Variants in ANKRD55 observed in about 807,000 individuals in gnomAD.
The protein encoded by ANKRD55 is ankyrin repeat domain 55, also known as ankyrin repeat domain-containing protein 55.
Under a neutral mutation model 60.6 loss-of-function variants are expected in ANKRD55, and 41 were observed. That is an observed-to-expected ratio of 0.68 (90% CI 0.53 to 0.88). ANKRD55 has a LOEUF of 0.88. Among genes scored for constraint, ANKRD55 ranks in the 40% least tolerant of loss-of-function variants. ANKRD55 has a pLI of 0.00. For missense variants in ANKRD55, 732 were observed against 767.6 expected, an observed-to-expected ratio of 0.95 and a Z score of 0.55; for synonymous variants, 264 against 290.3, an observed-to-expected ratio of 0.91 and a Z score of 0.92.
At chr5:56,166,132 T>TTCTA (rs1758459479) in intron 5 of ANKRD55, among the ~76,000 whole-genome samples, 1 of 101,076 alleles carries the variant, frequency 9.9e-6, no homozygotes, top group Non-Finnish European at 1.9e-5. Context: ...CTTTCTTTCT[T>TTCTA]TCTTTCTTTC....
chr5:56,149,658 A>C (rs138154975), intron 6 of ANKRD55, among the ~76,000 whole-genome samples: 1 of 152,192 alleles, frequency 6.6e-6, no homozygotes, highest in Non-Finnish European at 1.5e-5. Flanking sequence ...TTAAAATAAA[A>C]CAATCTTCCT....
At chr5:56,201,181 G>A (rs1759361921) in intron 2 of ANKRD55, among the ~76,000 whole-genome samples, 1 of 152,168 alleles carries the variant, frequency 6.6e-6, no homozygotes, top group African/African-American at 2.4e-5. Flanking sequence ...TATCCTGAAT[G>A]CTTTGAAGAA....
chr5:56,127,199 G>T, intron 7 of ANKRD55, 93 bp from the exon 8 acceptor site: 1 of 1,302,472 alleles, frequency 7.7e-7, no homozygotes, highest in Non-Finnish European at 9.8e-7. Context: ...GGAAAAAAAG[G>T]AAAGAAAGAA....
At chr5:56,217,523 A>G (rs1759842455) in intron 2 of ANKRD55, among the ~76,000 whole-genome samples, 1 of 151,990 alleles carries the variant, frequency 6.6e-6, no homozygotes, top group South Asian at 2.1e-4. Context: ...TAAATTGAAA[A>G]CCTTTGCTCT....
chr5:56,128,448 C>T (rs1757332133), intron 7 of ANKRD55, among the ~76,000 whole-genome samples: 1 of 152,174 alleles, frequency 6.6e-6, no homozygotes, highest in Non-Finnish European at 1.5e-5. Flanking sequence ...GGCAGCAGGT[C>T]TCTTGGTAGC....
intron 2 of ANKRD55, among the ~76,000 whole-genome samples, chr5:56,198,195 A>G (rs1464402716): frequency 6.6e-6 from 1 of 152,194 alleles, no homozygotes; most frequent in East Asian, 1.9e-4. Flanking sequence ...ATGAGATTGA[A>G]AGTAAAAGTC....
chr5:56,111,939 G>T (rs937146626), intron 9 of ANKRD55, among the ~76,000 whole-genome samples, 157 bp from the exon 10 acceptor site: 5 of 152,154 alleles, frequency 3.3e-5, no homozygotes, highest in Non-Finnish European at 5.9e-5. Flanking sequence ...GCAGTGTGAA[G>T]AACTCACAGT....
chr5:56,113,623 AATTTCTGCAAAATAAATAAAGTG>A (rs1561252620), intron 9 of ANKRD55, among the ~76,000 whole-genome samples: 1 of 152,162 alleles, frequency 6.6e-6, no homozygotes, highest in East Asian at 1.9e-4. Flanking sequence ...TATTTGCAGA[AATTTCTGCAAAATAAATAAAGTG>A]AAATACACAG....
chr5:56,173,578 C>CTA lies in ANKRD55; in HGVS notation c.312+2573_312+2574insTA, dbSNP rs1211689978. Among the ~76,000 whole-genome samples the CTA allele has an allele frequency of 9.1e-3, 648 of 71,544 alleles. 1 individual carries two copies. Among genetic ancestry groups the CTA allele is most frequent in the Non-Finnish European group, 0.01 (413 of 39,364 alleles). 46.9% of individuals were successfully genotyped at this position (71,544 alleles called of 152,430 possible). ...TCTCTCTCTCTCTCTCTCTCTCTCT[C>CTA]TCTCTATATATATATATATATATAT... On this transcript the variant is annotated intron_variant, in intron 4 of 11. Transcript: ENST00000341048.
rs36002081 is a variant in ANKRD55, at chr5:56,226,518, C to CA, written c.58+6337dup. Among the ~76,000 whole-genome samples the CA allele has an allele frequency of 7.4e-4, 110 of 149,658 alleles. No individual in the cohort carries two copies. The South Asian group carries it at 9.0e-3, about 12-fold the overall frequency. On this transcript the variant is annotated intron_variant, in intron 2 of 11. Coordinates refer to ENST00000341048, the MANE Select transcript of ANKRD55 (RefSeq NM_024669.3). ...AAACTAGAGAGCTTCTTCTGCACAG[C>CA]AAAAAAAAAACTACCATCAGAGTGA...
intron 2 of ANKRD55, among the ~76,000 whole-genome samples, chr5:56,209,380 T>C (rs1759600915): frequency 6.6e-6 from 1 of 152,344 alleles, no homozygotes; most frequent in East Asian, 1.9e-4. Flanking sequence ...TATTTTCTCA[T>C]TACTGGGCAT....
chr5:56,110,968 T>C (rs1756671791), intron 10 of ANKRD55, 150 bp downstream of exon 10: 7 of 857,514 alleles, frequency 8.2e-6, no homozygotes, highest in South Asian at 3.5e-5. Flanking sequence ...TCAAATCCAG[T>C]GCACTTTGGG....
intron 9 of ANKRD55, among the ~76,000 whole-genome samples, chr5:56,114,613 G>T (rs933777542): frequency 6.6e-6 from 1 of 152,148 alleles, no homozygotes; most frequent in Non-Finnish European, 1.5e-5. Flanking sequence ...TTTTCCAAAT[G>T]ACCAATGCAA....
At chr5:56,153,734 G>A (rs558533489) in intron 6 of ANKRD55, among the ~76,000 whole-genome samples, 46 of 152,002 alleles carry the variant, frequency 3.0e-4, no homozygotes, top group South Asian at 1.0e-3. Flanking sequence ...CTACTCGGGA[G>A]GCTGAGGCAG....
chr5:56,212,274 A>G (rs925286024), intron 2 of ANKRD55, among the ~76,000 whole-genome samples: 1 of 152,196 alleles, frequency 6.6e-6, no homozygotes, highest in Non-Finnish European at 1.5e-5. Context: ...ATACCAATAG[A>G]ACAAAGGAAA....
At chr5:56,209,409 G>C (rs996376701) in intron 2 of ANKRD55, among the ~76,000 whole-genome samples, 1 of 151,218 alleles carries the variant, frequency 6.6e-6, no homozygotes, top group African/African-American at 2.4e-5. Flanking sequence ...CTTACTTTTT[G>C]TGATTATAAG....
intron 4 of ANKRD55, among the ~76,000 whole-genome samples, chr5:56,172,726 G>A (rs966487562): frequency 7.4e-6 from 1 of 135,702 alleles, no homozygotes; most frequent in Non-Finnish European, 1.5e-5. Flanking sequence ...GCTGTGATGG[G>A]CATTTTTTTT....
chr5:56,145,678 T>C (rs764389318), intron 6 of ANKRD55, among the ~76,000 whole-genome samples: 2 of 152,158 alleles, frequency 1.3e-5, no homozygotes, highest in Non-Finnish European at 2.9e-5. Flanking sequence ...AGTTTGTGAG[T>C]AGCATGGAAC....
chr5:56,223,537 C>T (rs1163496931), intron 2 of ANKRD55, among the ~76,000 whole-genome samples: 1 of 152,122 alleles, frequency 6.6e-6, no homozygotes, highest in Non-Finnish European at 1.5e-5. Context: ...CTAAATGCTC[C>T]AATTAAAATA....
Sources: allele counts gnomAD v4.1 joint callset (sites outside exome capture counted in the v4.1 genomes callset), GRCh38; gene constraint gnomAD v4.1.1; transcripts MANE v1.5; gene names NCBI Gene and HGNC (gene_info 2026-07-23, HGNC 2026-07-21).